CRYBG1: variants seen among roughly 807,000 people sequenced by gnomAD.
CRYBG1 encodes the protein crystallin beta-gamma domain containing 1.
A neutral mutation model predicts 189.2 loss-of-function variants in CRYBG1; 139 were observed. The ratio of observed to expected loss-of-function variants is 0.73; its 90% CI spans 0.64 to 0.85. The LOEUF (loss-of-function observed/expected upper bound fraction) is 0.85, where lower values mean the gene tolerates loss of function less well. CRYBG1 is among the 40% of genes least tolerant of loss of function. The pLI is 0.00. For synonymous variants in CRYBG1, 1,023 were observed against 1,017.1 expected (o/e 1.01, Z -0.11); for missense variants, 2,611 against 2,675.8 (o/e 0.98, Z 0.53).
chr6:106,382,436 CTGAAAGATTT>C lies in CRYBG1; in HGVS notation c.173+21361_173+21370del, dbSNP rs1214227951. Reference sequence around the variant, plus strand: ...ATCAAACCAGTTATTAGCATCATTCCTGAAAGATTTTGAAACATCTGGACTTTGAAATTTT... The same window carrying C: ...ATCAAACCAGTTATTAGCATCATTCCTGAAACATCTGGACTTTGAAATTTT... On this transcript the variant is annotated intron_variant, in intron 1 of 21. Transcript: ENST00000633556. Among the ~76,000 whole-genome samples the C allele has an allele frequency of 2.6e-5, 4 of 152,188 alleles. No individual in the cohort carries two copies. The East Asian group carries it at 5.8e-4, about 22-fold the overall frequency.
intron 9 of CRYBG1, chr6:106,541,075 G>A (rs560867562): frequency 2.9e-5 from 9 of 312,676 alleles, no homozygotes; most frequent in East Asian, 8.2e-5. Context: ...TAATAGTTTC[G>A]TAAGCCCTGG....
At chr6:106,496,948 A>G (rs1281607720) in intron 2 of CRYBG1, among the ~76,000 whole-genome samples, 1 of 152,224 alleles carries the variant, frequency 6.6e-6, no homozygotes, top group Non-Finnish European at 1.5e-5. Context: ...GTCCACCCCA[A>G]GCCTGTACAG....
At chr6:106,377,647 A>ATATATATATATATATATATATATTTTTT (rs1562290499) in intron 1 of CRYBG1, among the ~76,000 whole-genome samples, 1 of 144,166 alleles carries the variant, frequency 6.9e-6, no homozygotes, top group African/African-American at 2.7e-5. Flanking sequence ...ATATATATAT[A>ATATATATATATATATATATATATTTTTT]TTTTCATTTG....
chr6:106,451,531 A>T, intron 1 of CRYBG1, 163 bp from the exon 2 acceptor site: 2 of 619,564 alleles, frequency 3.2e-6, no homozygotes, highest in South Asian at 6.1e-5. Flanking sequence ...ATGTGCTATG[A>T]GAGCGCCAAA....
chr6:106,455,589 C>G (rs1771870255), intron 2 of CRYBG1, among the ~76,000 whole-genome samples: 1 of 151,538 alleles, frequency 6.6e-6, no homozygotes, highest in African/African-American at 2.4e-5. Context: ...TCAATGATTT[C>G]TAGTATAAAA....
chr6:106,378,109 C>A, intron 1 of CRYBG1, among the ~76,000 whole-genome samples: 1 of 152,044 alleles, frequency 6.6e-6, no homozygotes, highest in Non-Finnish European at 1.5e-5. Flanking sequence ...TTAGGGGAGC[C>A]CTGTCACCCC....
intron 20 of CRYBG1, among the ~76,000 whole-genome samples, chr6:106,562,612 G>T (rs933925044): frequency 1.6e-4 from 24 of 152,088 alleles, no homozygotes; most frequent in African/African-American, 5.8e-4. Context: ...TCAGCCTCTC[G>T]AGTAGCTGGG....
intron 1 of CRYBG1, among the ~76,000 whole-genome samples, chr6:106,412,054 A>G (rs545019761): frequency 5.3e-5 from 8 of 152,336 alleles, no homozygotes; most frequent in African/African-American, 1.9e-4. Context: ...CCTCTCACAG[A>G]CACACCCAGA....
chr6:106,422,657 C>A (rs1771151941), intron 1 of CRYBG1, among the ~76,000 whole-genome samples: 2 of 152,166 alleles, frequency 1.3e-5, no homozygotes, highest in South Asian at 4.1e-4. Flanking sequence ...AATTTTAAAA[C>A]ACATATTTCA....
At chr6:106,552,112 C>T (rs1438309345) in intron 14 of CRYBG1, 72 bp from the exon 15 acceptor site, 1 of 1,463,938 alleles carries the variant, frequency 6.8e-7, no homozygotes, top group Non-Finnish European at 9.4e-7. Flanking sequence ...TGCTAATAAT[C>T]TAGAAGAAAA....
chr6:106,492,064 G>A (rs1002263564), intron 2 of CRYBG1, among the ~76,000 whole-genome samples: 1 of 152,042 alleles, frequency 6.6e-6, no homozygotes, highest in Non-Finnish European at 1.5e-5. Flanking sequence ...GGCTAGTACT[G>A]TGTTCTTCCT....
At chr6:106,454,487 C>T (rs891466315) in intron 2 of CRYBG1, among the ~76,000 whole-genome samples, 3 of 152,360 alleles carry the variant, frequency 2.0e-5, no homozygotes, top group African/African-American at 7.2e-5. Context: ...ACCTCCCATA[C>T]ATTCCAAATT....
Position 106,361,053 on chromosome 6 carries a change from C to G in CRYBG1, c.145C>G (p.Pro49Ala). The change falls in exon 1 of 22, where the codon CCG (proline) becomes GCG (alanine). Residue 49 changes from proline to alanine, a missense_variant. Pro to Ala is a conservative substitution (Grantham distance 27). Transcript: ENST00000633556. ...TGACTGTGGGGTGTTCGTTCCGCACCCGCTCCCGGCGCCTGCCGGAGAGGC... is the reference window on the plus strand; with the variant it reads ...TGACTGTGGGGTGTTCGTTCCGCACGCGCTCCCGGCGCCTGCCGGAGAGGC... ...PPDCGVFVPH[P>A]LPAPAGEARA... is the part of the protein sequence containing the mutation. 8.5e-6 allele frequency: 13 copies of G among 1,534,868 alleles called. No homozygotes were observed. The highest frequency in any genetic ancestry group is 1.1e-5 in the Non-Finnish European group (13 of 1,146,498).
chr6:106,486,126 G>A (rs553522913), intron 2 of CRYBG1, among the ~76,000 whole-genome samples: 17 of 152,134 alleles, frequency 1.1e-4, no homozygotes, highest in Middle Eastern at 6.8e-3. Flanking sequence ...AACTGCTTTC[G>A]TTGTGTCCCA....
intron 1 of CRYBG1, among the ~76,000 whole-genome samples, chr6:106,424,961 G>T (rs12213356): frequency 1.3e-5 from 2 of 152,018 alleles, no homozygotes; most frequent in East Asian, 1.9e-4. Context: ...GAAAAATCCC[G>T]CAGACTCTCT....
At chr6:106,560,625 T>A (rs1423311409) in intron 18 of CRYBG1, among the ~76,000 whole-genome samples, 178 bp from the exon 19 acceptor site, 1 of 152,174 alleles carries the variant, frequency 6.6e-6, no homozygotes, top group African/African-American at 2.4e-5. Flanking sequence ...GTAACAAAAA[T>A]TTGCTATTTG....
At chr6:106,385,204 A>G (rs1770359522) in intron 1 of CRYBG1, among the ~76,000 whole-genome samples, 1 of 152,184 alleles carries the variant, frequency 6.6e-6, no homozygotes, top group African/African-American at 2.4e-5. Flanking sequence ...TTAGAAAACC[A>G]TCTCACTTCT....
chr6:106,435,585 T>TTTAA (rs1035274764), intron 1 of CRYBG1, among the ~76,000 whole-genome samples: 2 of 149,308 alleles, frequency 1.3e-5, no homozygotes, highest in South Asian at 2.1e-4. Flanking sequence ...TCCTTGCAAA[T>TTTAA]TTAATTAATT....
chr6:106,408,596 T>C (rs1344303467), intron 1 of CRYBG1, among the ~76,000 whole-genome samples: 1 of 152,200 alleles, frequency 6.6e-6, no homozygotes, highest in African/African-American at 2.4e-5. Context: ...ATATCCCTGA[T>C]GAACATTGAT....
Sources: gnomAD v4.1 joint callset for allele counts (sites outside exome capture counted in the v4.1 genomes callset) on GRCh38, gnomAD v4.1.1 for gene constraint, MANE v1.5 for transcripts, NCBI Gene and HGNC (gene_info 2026-07-23, HGNC 2026-07-21) for gene names.